Variants in OTUD7A observed in about 807,000 individuals in gnomAD.
OTUD7A encodes OTU deubiquitinase 7A, also known as OTU domain-containing protein 7A.
A neutral mutation model predicts 65.7 loss-of-function variants in OTUD7A; 12 were observed. The observed-to-expected ratio is 0.18, with a 90% CI of 0.12 to 0.30. The LOEUF (loss-of-function observed/expected upper bound fraction) is 0.30. Among genes scored for constraint, OTUD7A ranks in the 10% least tolerant of loss-of-function variants. OTUD7A has a pLI of 1.00. For missense variants in OTUD7A, 1,148 were observed against 1,304.8 expected, an observed-to-expected ratio of 0.88 and a Z score of 1.85; for synonymous variants, 641 against 586.3, an observed-to-expected ratio of 1.09 and a Z score of -1.35.
At chr15:31,575,263 C>A (rs1420360315) in intron 3 of OTUD7A, among the ~76,000 whole-genome samples, 2 of 152,160 alleles carry the variant, frequency 1.3e-5, no homozygotes, top group Admixed American at 1.3e-4. Flanking sequence ...ATGTTGTACA[C>A]CCTGCTTCCA....
chr15:31,558,740 A>T lies in OTUD7A; in HGVS notation c.550+229T>A, dbSNP rs373167314. 384 of 591,420 alleles carry T rather than the reference A, an allele frequency of 6.5e-4. 8 individuals carry two copies. In the South Asian group the frequency reaches 8.0e-3, roughly 12 times the overall value. The allele number at this position is 591,420 out of a possible 1,614,324, so 36.6% of individuals were successfully genotyped here. A position where few individuals can be genotyped will look rare whatever the true frequency, so the allele number is the denominator to read the frequency against. On this transcript the variant is annotated intron_variant, in intron 5 of 12. Transcript: ENST00000307050. ...ACTGGGATTTAGGAGCAAGGGGAAA[A>T]CTCGAGAGATTTCAGCACCACCTAG...
At chr15:31,800,011 A>G (rs1015383008) in intron 1 of OTUD7A, among the ~76,000 whole-genome samples, 4 of 152,302 alleles carry the variant, frequency 2.6e-5, no homozygotes, top group Middle Eastern at 3.4e-3. Context: ...AAAAACAAGA[A>G]GGTTGTTTAT....
chr15:31,741,191 T>C (rs980278994), intron 1 of OTUD7A, among the ~76,000 whole-genome samples: 1 of 152,172 alleles, frequency 6.6e-6, no homozygotes, highest in African/African-American at 2.4e-5. Flanking sequence ...AAAAGATAAC[T>C]AGCAAATCCC....
intron 5 of OTUD7A, among the ~76,000 whole-genome samples, chr15:31,550,790 T>C (rs1034117125): frequency 2.6e-5 from 4 of 152,176 alleles, no homozygotes; most frequent in Non-Finnish European, 4.4e-5. Flanking sequence ...GATATTTAAA[T>C]AGGAATTCTG....
chr15:31,497,768 C>T (rs1440930725), intron 10 of OTUD7A, among the ~76,000 whole-genome samples: 2 of 152,112 alleles, frequency 1.3e-5, no homozygotes, highest in Non-Finnish European at 2.9e-5. Context: ...GTGGAAGCCT[C>T]GCCATCCACC....
chr15:31,652,685 A>G (rs1475178446), intron 3 of OTUD7A, among the ~76,000 whole-genome samples: 1 of 149,144 alleles, frequency 6.7e-6, no homozygotes, highest in Non-Finnish European at 1.5e-5. Flanking sequence ...ACATTTCACG[A>G]AAGAGAATAA....
rs1321407910 is a variant in OTUD7A, at chr15:31,605,372, G to T, written c.152-35175C>A. On this transcript the variant is annotated intron_variant, in intron 3 of 12. Coordinates refer to ENST00000307050, the MANE Select transcript of OTUD7A (RefSeq NM_001382637.1). ...TCTGGACACACAGGGGTGTGCTGGGGACAGTGGCCACGCATCTGGTCACAT... is the reference window on the plus strand; with the variant it reads ...TCTGGACACACAGGGGTGTGCTGGGTACAGTGGCCACGCATCTGGTCACAT... 1.1e-4 allele frequency among the ~76,000 whole-genome samples: 16 copies of T among 152,176 alleles called. 1 individual carries two copies.
intron 1 of OTUD7A, among the ~76,000 whole-genome samples, chr15:31,731,152 T>C (rs1160792226): frequency 1.3e-5 from 2 of 152,238 alleles, no homozygotes; most frequent in Non-Finnish European, 2.9e-5. Flanking sequence ...TGGTGAATCA[T>C]GTGCATTTTC....
At chr15:31,544,824 A>G (rs1278670566) in intron 5 of OTUD7A, among the ~76,000 whole-genome samples, 6 of 151,960 alleles carry the variant, frequency 3.9e-5, no homozygotes, top group South Asian at 2.1e-4. Flanking sequence ...AAAAAGTACT[A>G]TACCTAAGAA....
At chr15:31,720,700 A>G (rs1316650809) in intron 1 of OTUD7A, among the ~76,000 whole-genome samples, 1 of 152,048 alleles carries the variant, frequency 6.6e-6, no homozygotes, top group Non-Finnish European at 1.5e-5. Context: ...GCACCTGGAC[A>G]GTAACTTAAT....
intron 8 of OTUD7A, among the ~76,000 whole-genome samples, chr15:31,518,476 A>T (rs1193542829): frequency 9.2e-6 from 1 of 108,992 alleles, no homozygotes; most frequent in Non-Finnish European, 2.2e-5. Flanking sequence ...CCATCTGATT[A>T]AAAAAAAAAA....
At chr15:31,513,366 G>A (rs538492905) in intron 8 of OTUD7A, among the ~76,000 whole-genome samples, 2 of 152,218 alleles carry the variant, frequency 1.3e-5, no homozygotes, top group African/African-American at 2.4e-5. Context: ...ACCACCACAC[G>A]GCTACCGACA....
chr15:31,777,846 C>T (rs1895428030), intron 1 of OTUD7A, among the ~76,000 whole-genome samples: 1 of 152,182 alleles, frequency 6.6e-6, no homozygotes, highest in Admixed American at 6.5e-5. Flanking sequence ...GGCAAGGGGG[C>T]AGCTGCAGAA....
chr15:31,854,381 A>C (rs1442059493), intron 1 of OTUD7A, among the ~76,000 whole-genome samples: 1 of 152,208 alleles, frequency 6.6e-6, no homozygotes, highest in Non-Finnish European at 1.5e-5. Flanking sequence ...ATAAGATGAC[A>C]TATGCAGAGG....
intron 1 of OTUD7A, among the ~76,000 whole-genome samples, chr15:31,810,454 A>G (rs748671583): frequency 3.3e-5 from 5 of 152,194 alleles, no homozygotes; most frequent in Non-Finnish European, 7.3e-5. Flanking sequence ...TATAAGAAGA[A>G]AAAGAGACAC....
intron 1 of OTUD7A, among the ~76,000 whole-genome samples, chr15:31,677,922 T>C (rs928996512): frequency 6.6e-6 from 1 of 152,196 alleles, no homozygotes; most frequent in Non-Finnish European, 1.5e-5. Context: ...TGGGAAACTT[T>C]GGAACTTCCT....
intron 3 of OTUD7A, among the ~76,000 whole-genome samples, chr15:31,629,145 G>C (rs914199020): frequency 6.6e-6 from 1 of 152,136 alleles, no homozygotes; most frequent in Non-Finnish European, 1.5e-5. Flanking sequence ...TCGGAGTGGT[G>C]AGAGAGGGCA....
chr15:31,600,843 AAG>A (rs1357526746), intron 3 of OTUD7A, among the ~76,000 whole-genome samples: 2 of 152,218 alleles, frequency 1.3e-5, no homozygotes, highest in Admixed American at 1.3e-4. Context: ...TAAACCAACA[AAG>A]ATCAAAAGAG....
At chr15:31,645,215 C>T (rs1258280579) in intron 3 of OTUD7A, among the ~76,000 whole-genome samples, 1 of 152,228 alleles carries the variant, frequency 6.6e-6, no homozygotes, top group Non-Finnish European at 1.5e-5. Flanking sequence ...AATTACAGGA[C>T]TAACCTTGTT....
Sources: gnomAD v4.1 joint callset for allele counts (sites outside exome capture counted in the v4.1 genomes callset) on GRCh38, gnomAD v4.1.1 for gene constraint, MANE v1.5 for transcripts, NCBI Gene and HGNC (gene_info 2026-07-23, HGNC 2026-07-21) for gene names.